ZIM2: variants seen among roughly 807,000 people sequenced by gnomAD.
The protein encoded by ZIM2 is zinc finger imprinted 2.
ZIM2 carries 14 observed loss-of-function variants against 38.6 expected under a neutral mutation model. That is an observed-to-expected ratio of 0.36 (90% confidence interval 0.24 to 0.57). ZIM2 has a LOEUF of 0.57. Among genes scored for constraint, ZIM2 ranks in the 20% least tolerant of loss-of-function variants. The pLI is 0.81. For missense variants in ZIM2, 680 were observed against 695.1 expected (o/e 0.98, Z 0.24); for synonymous variants, 247 against 245.8 (o/e 1.00, Z -0.04).
At chr19:56,839,925 C>T (rs886302744) in intron 1 of ZIM2, among the ~76,000 whole-genome samples, 3 of 152,276 alleles carry the variant, frequency 2.0e-5, no homozygotes, top group African/African-American at 7.2e-5. Context: ...GCGCAGCAAG[C>T]CTCAGCCGCC....
intron 1 of ZIM2, among the ~76,000 whole-genome samples, chr19:56,836,419 G>A (rs1340234068): frequency 3.9e-5 from 6 of 152,090 alleles, no homozygotes; most frequent in African/African-American, 1.4e-4. Flanking sequence ...CATTTTTGGC[G>A]CTGGCCGTCC....
chr19:56,837,348 TG>T (rs1451416931), intron 1 of ZIM2, among the ~76,000 whole-genome samples: 1 of 152,214 alleles, frequency 6.6e-6, no homozygotes, highest in African/African-American at 2.4e-5. Context: ...CACCTCCAGC[TG>T]TACGATTTTG....
chr19:56,814,329 GGCTGCTGCTGCT>G lies in ZIM2; in HGVS notation c.490+3405_490+3416del. Reference sequence around the variant, plus strand: ...CATGGACATTGGCTTCAACTTCCTGGGCTGCTGCTGCTGCAGCTGCTGCTGCTTCATCTTCTT... The same window carrying G: ...CATGGACATTGGCTTCAACTTCCTGGGCAGCTGCTGCTGCTTCATCTTCTT... On this transcript the variant is annotated intron_variant, in intron 9 of 12. Transcript: ENST00000629319. This position sits in a 1 kb window ranked among gnomAD's most constrained non-coding sequence, Gnocchi z 5.8. 6.2e-7 allele frequency: 1 copy of G among 1,613,852 alleles called. No homozygotes were observed. The highest frequency in any genetic ancestry group is 8.5e-7 in the Non-Finnish European group (1 of 1,179,900).
intron 7 of ZIM2, among the ~76,000 whole-genome samples, chr19:56,819,162 T>C (rs188122329): frequency 1.3e-5 from 2 of 152,086 alleles, no homozygotes; most frequent in East Asian, 3.9e-4. Flanking sequence ...AGACTAAATA[T>C]CAAACAGGCA....
At chr19:56,815,736 G>C (rs1276998169) in intron 9 of ZIM2, 1 of 1,614,098 alleles carries the variant, frequency 6.2e-7, no homozygotes. Flanking sequence ...TCTGAGGTTT[G>C]GCACGGAATA....
intron 6 of ZIM2, 142 bp from the exon 7 acceptor site, chr19:56,821,896 C>T: frequency 2.3e-6 from 2 of 867,914 alleles, no homozygotes; most frequent in Non-Finnish European, 3.6e-6. Flanking sequence ...TCTGTGGCAG[C>T]CTCTGAGGAG....
In ZIM2 at chr19:56,826,952, T is replaced by C. The variant is rs1052539434; in HGVS notation, c.-226-489A>G. Among the ~76,000 whole-genome samples the C allele has an allele frequency of 3.3e-5, 5 of 152,164 alleles. No individual in the cohort carries two copies. The East Asian group carries it at 9.6e-4, about 29-fold the overall frequency. Reference sequence around the variant, plus strand: ...TAAAGTACCCTAGGTGAAAGCTATATATCAGAATGGCAGGCTTATAGAGTT... The same window carrying C: ...TAAAGTACCCTAGGTGAAAGCTATACATCAGAATGGCAGGCTTATAGAGTT... On this transcript the variant is annotated intron_variant, in intron 2 of 12. Coordinates refer to ENST00000629319, the MANE Select transcript of ZIM2 (RefSeq NM_001387356.1).
chr19:56,822,883 C>A (rs1477858616), intron 5 of ZIM2, 47 bp from the exon 6 acceptor site: 3 of 1,585,374 alleles, frequency 1.9e-6, no homozygotes, highest in Non-Finnish European at 2.6e-6. Flanking sequence ...CTTTGACACA[C>A]CTGTTTTCCC....
chr19:56,777,971 C>T (rs1371092320), intron 12 of ZIM2, among the ~76,000 whole-genome samples: 1 of 152,122 alleles, frequency 6.6e-6, no homozygotes, highest in Non-Finnish European at 1.5e-5. Flanking sequence ...AGGGCCCTGG[C>T]ACTTGCTGTT....
chr19:56,786,178 G>A (rs549377331), intron 10 of ZIM2, among the ~76,000 whole-genome samples: 3 of 152,152 alleles, frequency 2.0e-5, no homozygotes, highest in Non-Finnish European at 4.4e-5. Context: ...AATATACTGT[G>A]TATGTACTGT....
chr19:56,779,440 G>A lies in ZIM2; in HGVS notation c.772C>T (p.Arg258Cys), dbSNP rs191580129. 1.7e-4 allele frequency: 271 copies of A among 1,613,896 alleles called. No homozygotes were observed. In the Admixed American group the frequency reaches 4.0e-3, roughly 24 times the overall value. Residue 258 changes from arginine (R) to cysteine (C), a missense_variant, in exon 12 of 13, where the codon CGC (arginine) becomes TGC (cysteine). Physicochemically the swap from Arg to Cys is radical, Grantham distance 180. Coordinates refer to ENST00000629319, the MANE Select transcript of ZIM2 (RefSeq NM_001387356.1). The part of the protein sequence containing the change: ...HQFSKPDIIS[R>C]LEEEESYAME... ...GCATATGATTCCTCCTCTTCCAGGC[G>A]TGAGATAATGTCAGGTTTAGAGAAC...
intron 10 of ZIM2, among the ~76,000 whole-genome samples, chr19:56,786,363 A>G (rs1157094883): frequency 6.6e-6 from 1 of 152,148 alleles, no homozygotes; most frequent in Non-Finnish European, 1.5e-5. Context: ...ATATGGTTCT[A>G]AGAACACTTT....
intron 10 of ZIM2, among the ~76,000 whole-genome samples, chr19:56,784,678 T>C (rs2046504454): frequency 6.6e-6 from 1 of 152,236 alleles, no homozygotes; most frequent in Non-Finnish European, 1.5e-5. Flanking sequence ...TAAGGAGTTT[T>C]GAGTTCTGCT....
intron 9 of ZIM2, chr19:56,816,497 G>A (rs1568635720): frequency 6.2e-7 from 1 of 1,613,164 alleles, no homozygotes; most frequent in East Asian, 2.2e-5. Flanking sequence ...CCTCTAGTAT[G>A]GATTTTCTGA....
At chr19:56,797,747 C>G (rs1443052547) in intron 9 of ZIM2, among the ~76,000 whole-genome samples, 1 of 152,128 alleles carries the variant, frequency 6.6e-6, no homozygotes, top group Non-Finnish European at 1.5e-5. Context: ...GTTTAAGGGA[C>G]CACTTTTGGG....
chr19:56,813,164 TA>T, intron 9 of ZIM2: 1 of 980,852 alleles, frequency 1.0e-6, no homozygotes, highest in Non-Finnish European at 1.2e-6. Context: ...CTAAGACACT[TA>T]AAAATATAAT....
At position 56,795,626 on chromosome 19, in the gene ZIM2, T is replaced by A. The variant is rs541984495; in HGVS notation, c.491-5675A>T. ...TGCCCTGTGAGACACGAGGATAGGG[T>A]TGGTACGGCGAGGAGAAGGGCGGCG... On this transcript the variant is annotated intron_variant, in intron 9 of 12. Coordinates refer to ENST00000629319, the MANE Select transcript of ZIM2 (RefSeq NM_001387356.1). Among the ~76,000 whole-genome samples the A allele has an allele frequency of 1.1e-4, 17 of 152,168 alleles. No homozygotes were observed. In the East Asian group the frequency reaches 3.1e-3, roughly 28 times the overall value.
At chr19:56,811,924 T>C in intron 9 of ZIM2, 1 of 985,262 alleles carries the variant, frequency 1.0e-6, no homozygotes, top group Non-Finnish European at 1.2e-6. Context: ...GACTCCCTTC[T>C]TTGACTCACT....
chr19:56,782,015 G>A lies in ZIM2; in HGVS notation c.677C>T (p.Ala226Val). The A allele has an allele frequency of 6.2e-7, 1 of 1,613,986 alleles. No homozygotes were observed. The highest frequency in any genetic ancestry group is 8.5e-7 in the Non-Finnish European group (1 of 1,179,924). ...CTCCCTGTAGAGGTTTCTCTGAGCAGCACTAAGGGAACTAAGTTCCTCTGG... is the reference window on the plus strand; with the variant it reads ...CTCCCTGTAGAGGTTTCTCTGAGCAACACTAAGGGAACTAAGTTCCTCTGG... ...FSPEELSSLS[A>V]AQRNLYREVM... Residue 226 changes from alanine to valine, a missense_variant, in exon 11 of 13, where the codon GCT becomes GTT. Ala to Val is a moderately conservative substitution (Grantham distance 64, BLOSUM62 0). Coordinates refer to ENST00000629319, the MANE Select transcript of ZIM2 (RefSeq NM_001387356.1).
Sources: gnomAD v4.1 joint callset for allele counts (sites outside exome capture counted in the v4.1 genomes callset) on GRCh38, gnomAD v4.1.1 for gene constraint, Gnocchi (gnomAD v3.1) non-coding constraint, MANE v1.5 for transcripts, NCBI Gene and HGNC (gene_info 2026-07-23, HGNC 2026-07-21) for gene names.